SLC67A2: variants seen among roughly 807,000 people sequenced by gnomAD.
SLC67A2 encodes the protein solute carrier family 67 member 2, also known as solute carrier family 67 member A2.
At chr2:102,718,922 A>G in the SLC67A2 span, 1 of 1,614,254 alleles carries the variant, frequency 6.2e-7, no homozygotes, top group Non-Finnish European at 8.5e-7. Context: ...CTCCAGGGCC[A>G]GGACAAAGTT....
the SLC67A2 span, chr2:102,715,769 G>A: frequency 6.6e-6 from 1 of 152,122 alleles, no homozygotes; most frequent in South Asian, 2.1e-4. Flanking sequence ...AACTTCATGT[G>A]GCTCAACCTG....
the SLC67A2 span, among the ~76,000 whole-genome samples, chr2:102,736,009 G>A: frequency 2.0e-5 from 3 of 152,070 alleles, no homozygotes; most frequent in East Asian, 1.9e-4. Context: ...TACAAGTGGG[G>A]TCATCAACAG....
At chr2:102,715,031 T>C in the SLC67A2 span, among the ~76,000 whole-genome samples, 1 of 152,226 alleles carries the variant, frequency 6.6e-6, no homozygotes, top group East Asian at 1.9e-4. Flanking sequence ...ACCTGGGAAT[T>C]ATTCACAACC....
the SLC67A2 span, among the ~76,000 whole-genome samples, chr2:102,719,753 A>G: frequency 6.6e-6 from 1 of 152,222 alleles, no homozygotes; most frequent in Non-Finnish European, 1.5e-5. Context: ...AGACTGCAAT[A>G]TAAGGGCCAT....
chr2:102,731,176 AC>A, the SLC67A2 span: 52 of 796,162 alleles, frequency 6.5e-5, no homozygotes, highest in Non-Finnish European at 8.9e-5. Context: ...AGGGTAAGAT[AC>A]CTTTTTGTTT....
the SLC67A2 span, chr2:102,716,225 A>G: frequency 6.6e-6 from 1 of 152,200 alleles, no homozygotes; most frequent in Non-Finnish European, 1.5e-5. Flanking sequence ...AAGACTCATT[A>G]AGTTTATGGG....
chr2:102,731,181 T>C, the SLC67A2 span: 2 of 762,070 alleles, frequency 2.6e-6, no homozygotes, highest in Non-Finnish European at 4.1e-6. Flanking sequence ...AAGATACCTT[T>C]TTGTTTTAAA....
the SLC67A2 span, among the ~76,000 whole-genome samples, chr2:102,728,856 T>C: frequency 6.6e-6 from 1 of 152,200 alleles, no homozygotes; most frequent in African/African-American, 2.4e-5. Context: ...ACTTTCTGTG[T>C]GCTTAATATA....
chr2:102,723,993 CTGA>C, the SLC67A2 span: 1 of 1,141,004 alleles, frequency 8.8e-7, no homozygotes, highest in Non-Finnish European at 1.3e-6. Flanking sequence ...ACCTCTATCC[CTGA>C]TGGAGTTCTG....
chr2:102,721,761 G>A, the SLC67A2 span, among the ~76,000 whole-genome samples: 54 of 152,284 alleles, frequency 3.5e-4, no homozygotes, highest in African/African-American at 1.1e-3. Flanking sequence ...CTGGAATGCC[G>A]TGGTGTGATC....
the SLC67A2 span, among the ~76,000 whole-genome samples, chr2:102,722,734 T>C: frequency 6.1e-4 from 92 of 152,052 alleles, no homozygotes; most frequent in Non-Finnish European, 1.0e-4. Flanking sequence ...TTCTTAGGTA[T>C]AACAACAAAA....
At chr2:102,730,942 C>T in the SLC67A2 span, 3 of 1,197,392 alleles carry the variant, frequency 2.5e-6, no homozygotes, top group Admixed American at 3.6e-5. Flanking sequence ...GTGTTCTCAT[C>T]CCAAATCTAT....
the SLC67A2 span, chr2:102,723,840 G>T: frequency 6.2e-7 from 1 of 1,614,150 alleles, no homozygotes; most frequent in Non-Finnish European, 8.5e-7. Context: ...GATTACAAGC[G>T]GCCGTTCCTT....
At chr2:102,721,749 G>A in the SLC67A2 span, among the ~76,000 whole-genome samples, 1 of 152,116 alleles carries the variant, frequency 6.6e-6, no homozygotes, top group African/African-American at 2.4e-5. Context: ...CTGTCACCCA[G>A]GCTGGAATGC....
At chr2:102,719,212 TA>T in the SLC67A2 span, 1 of 1,607,330 alleles carries the variant, frequency 6.2e-7, no homozygotes, top group Non-Finnish European at 8.5e-7. Context: ...CGAGACCTGT[TA>T]AAATGGCATG....
At chr2:102,728,248 C>T in the SLC67A2 span, among the ~76,000 whole-genome samples, 3 of 152,226 alleles carry the variant, frequency 2.0e-5, no homozygotes, top group South Asian at 4.2e-4. Context: ...CCTGGATGAC[C>T]CCCAGTTCCA....
chr2:102,723,049 G>A, the SLC67A2 span, among the ~76,000 whole-genome samples: 1 of 152,166 alleles, frequency 6.6e-6, no homozygotes, highest in Admixed American at 6.5e-5. Flanking sequence ...AAAACAAAAG[G>A]TGTTCAATGT....
At chr2:102,715,225 T>G in the SLC67A2 span, among the ~76,000 whole-genome samples, 3 of 152,144 alleles carry the variant, frequency 2.0e-5, no homozygotes, top group Non-Finnish European at 4.4e-5. Context: ...TCACAGCACT[T>G]TACCGCAGGA....
the SLC67A2 span, chr2:102,718,533 G>A: frequency 6.2e-7 from 1 of 1,610,454 alleles, no homozygotes; most frequent in Non-Finnish European, 8.5e-7. Context: ...GGGCCGCAAG[G>A]GCTGACCTCC....
Sources: allele counts gnomAD v4.1 joint callset (sites outside exome capture counted in the v4.1 genomes callset), GRCh38; gene constraint gnomAD v4.1.1; transcripts MANE v1.5; gene names NCBI Gene and HGNC (gene_info 2026-07-23, HGNC 2026-07-21).